The following RIN2 variants were observed in gnomAD, a reference collection of about 807,000 sequenced individuals.
The protein encoded by RIN2 is RAB5 interacting protein 2.
In RIN2, 36 loss-of-function variants were observed where a neutral mutation model predicts 78.0. That is an observed-to-expected ratio of 0.46 (90% CI 0.35 to 0.61). The LOEUF is 0.61. Ranked by LOEUF, RIN2 falls within the 20% of genes least tolerant of loss-of-function variation. RIN2 has a pLI of 0.00. For missense variants in RIN2, 1,087 were observed against 1,159.7 expected (o/e 0.94, Z 0.91); for synonymous variants, 466 against 466.8 (o/e 1.00, Z 0.02).
chr20:19,865,494 T>TTA (rs1424664767), intron 2 of RIN2, among the ~76,000 whole-genome samples: 1 of 130,086 alleles, frequency 7.7e-6, no homozygotes, highest in African/African-American at 3.1e-5. Context: ...CTTTCTTTTT[T>TTA]TTTTTTTTTG....
At chr20:19,827,609 C>T (rs751034687) in intron 2 of RIN2, among the ~76,000 whole-genome samples, 11 of 152,124 alleles carry the variant, frequency 7.2e-5, no homozygotes, top group Non-Finnish European at 1.5e-4. Flanking sequence ...CATAGTGTGG[C>T]AGTGAGTCCT....
intron 2 of RIN2, among the ~76,000 whole-genome samples, chr20:19,846,895 G>C (rs1482192021): frequency 2.0e-5 from 3 of 152,140 alleles, no homozygotes; most frequent in Non-Finnish European, 4.4e-5. Context: ...ATGGGCAGGG[G>C]CACCAGTTAC....
intron 2 of RIN2, among the ~76,000 whole-genome samples, chr20:19,882,748 C>T (rs1182448045): frequency 1.3e-5 from 2 of 152,058 alleles, no homozygotes; most frequent in Admixed American, 1.3e-4. Context: ...GACCCTTGAA[C>T]AAAACAGGTT....
chr20:19,935,679 T>C (rs2040610465), intron 4 of RIN2: 3 of 936,378 alleles, frequency 3.2e-6, no homozygotes, highest in Non-Finnish European at 2.5e-6. Flanking sequence ...GGAAACTGGA[T>C]GTGGTTGTAA....
In RIN2 at chr20:19,763,418, A is replaced by G. The variant is rs1249709790; in HGVS notation, c.-163+5091A>G. 1.3e-5 allele frequency among the ~76,000 whole-genome samples: 2 copies of G among 152,128 alleles called. 1 individual carries two copies. Among genetic ancestry groups the G allele is most frequent in the South Asian group, 4.1e-4 (2 of 4,822 alleles). ...AAATAAATAAATAAATAAGATATAT[A>G]TGTATATCAGCACAGAGAAGTGTGG... On this transcript the variant is annotated intron_variant, in intron 1 of 12. Coordinates refer to ENST00000255006, the MANE Select transcript of RIN2 (RefSeq NM_018993.4).
In RIN2 at chr20:19,950,977, C is replaced by T. The variant is rs962846273; in HGVS notation, c.159-5638C>T. On this transcript the variant is annotated intron_variant, in intron 4 of 12. Transcript: ENST00000255006. ...CCATCTCAGCTCACTGCAACCTCCA[C>T]CTCCCAAGCTCAAGCAATCCTCCCG... Among the ~76,000 whole-genome samples, 130 of 151,794 alleles carry T rather than the reference C, an allele frequency of 8.6e-4. 2 individuals carry two copies. The highest frequency in any genetic ancestry group is 2.1e-4 in the Non-Finnish European group (14 of 67,980).
At chr20:19,927,003 A>G (rs1198687656) in intron 3 of RIN2, among the ~76,000 whole-genome samples, 1 of 152,192 alleles carries the variant, frequency 6.6e-6, no homozygotes, top group Non-Finnish European at 1.5e-5. Context: ...AGCATACAAC[A>G]ACTTTTCTCT....
chr20:19,951,475 G>A (rs985579164), intron 4 of RIN2, among the ~76,000 whole-genome samples: 2 of 152,290 alleles, frequency 1.3e-5, no homozygotes, highest in Non-Finnish European at 1.5e-5. Flanking sequence ...TGATGTCAGG[G>A]CAGCTCATTT....
At chr20:19,966,655 T>C (rs1017637708) in intron 7 of RIN2, among the ~76,000 whole-genome samples, 27 of 152,024 alleles carry the variant, frequency 1.8e-4, no homozygotes, top group Non-Finnish European at 1.5e-4. Flanking sequence ...CTCTGAAGTC[T>C]CCAGGTCAGC....
At chr20:19,763,620 A>G (rs910422052) in intron 1 of RIN2, among the ~76,000 whole-genome samples, 1 of 152,210 alleles carries the variant, frequency 6.6e-6, no homozygotes, top group Non-Finnish European at 1.5e-5. Context: ...AAGTTTAAAC[A>G]CAGTCATTTT....
rs145022724 is a variant in RIN2 at position 19,869,706 on chromosome 20, C to A, written c.-36-19860C>A. ...AGTGGTGCAATCACAGCTACTGCAG[C>A]CTCGAACTCCTAGACTCAAGTGATG... On this transcript the variant is annotated intron_variant, in intron 2 of 12. Coordinates refer to ENST00000255006, the MANE Select transcript of RIN2 (RefSeq NM_018993.4). 4.7e-3 allele frequency among the ~76,000 whole-genome samples: 719 copies of A among 151,626 alleles called. 3 individuals carry two copies. Among genetic ancestry groups the A allele is most frequent in the Non-Finnish European group, 5.9e-3 (399 of 67,916 alleles).
At chr20:19,992,371 T>C (rs544479808) in intron 11 of RIN2, 72 bp downstream of exon 11, 1 of 1,398,054 alleles carries the variant, frequency 7.2e-7, no homozygotes, top group African/African-American at 1.4e-5. Flanking sequence ...GAGACGAAAT[T>C]CATGTCACAT....
In RIN2 at chr20:19,886,318, C is replaced by T. The variant is rs2038187812; in HGVS notation, c.-36-3248C>T. Among the ~76,000 whole-genome samples the T allele has an allele frequency of 1.3e-5, 2 of 152,172 alleles. 1 individual carries two copies. Among genetic ancestry groups the T allele is most frequent in the South Asian group, 4.1e-4 (2 of 4,832 alleles). Reference sequence around the variant, plus strand: ...GCAGGCAGGCAGTGCAGCCTGGAGCCCAGCCAGGGGACGCAGGAATCCTTT... The same window carrying T: ...GCAGGCAGGCAGTGCAGCCTGGAGCTCAGCCAGGGGACGCAGGAATCCTTT... On this transcript the variant is annotated intron_variant, in intron 2 of 12. Transcript: ENST00000255006.
At chr20:19,953,821 C>G (rs1033532310) in intron 4 of RIN2, among the ~76,000 whole-genome samples, 1 of 152,124 alleles carries the variant, frequency 6.6e-6, no homozygotes, top group Non-Finnish European at 1.5e-5. Context: ...TTAACACCAG[C>G]TTCACTTTGA....
intron 1 of RIN2, among the ~76,000 whole-genome samples, chr20:19,778,932 G>A (rs1010748376): frequency 5.3e-5 from 8 of 152,142 alleles, no homozygotes. Context: ...AAAAACCAGC[G>A]TCGGAGCATC....
intron 2 of RIN2, among the ~76,000 whole-genome samples, chr20:19,844,697 C>G (rs2036719849): frequency 9.4e-5 from 1 of 10,650 alleles, no homozygotes; most frequent in African/African-American, 2.1e-4. Context: ...TCTTCCTCTT[C>G]CTCTTCTTCT....
chr20:19,828,254 A>G (rs2036153551), intron 2 of RIN2, among the ~76,000 whole-genome samples: 1 of 152,314 alleles, frequency 6.6e-6, no homozygotes, highest in Admixed American at 6.5e-5. Context: ...TTTTGTGAAC[A>G]TAAGGATGAC....
At chr20:19,871,698 T>C (rs996371915) in intron 2 of RIN2, among the ~76,000 whole-genome samples, 1 of 152,150 alleles carries the variant, frequency 6.6e-6, no homozygotes, top group African/African-American at 2.4e-5. Flanking sequence ...TTGTTTCCTA[T>C]CTCCACTTCT....
At chr20:19,946,618 A>G (rs1374654340) in intron 4 of RIN2, among the ~76,000 whole-genome samples, 2 of 151,436 alleles carry the variant, frequency 1.3e-5, no homozygotes, top group Non-Finnish European at 2.9e-5. Flanking sequence ...GTTGAGGCAC[A>G]AGAATTGTCT....
Sources: gnomAD v4.1 joint callset for allele counts (sites outside exome capture counted in the v4.1 genomes callset) on GRCh38, gnomAD v4.1.1 for gene constraint, MANE v1.5 for transcripts, NCBI Gene and HGNC (gene_info 2026-07-23, HGNC 2026-07-21) for gene names.